CELF2: variants seen among roughly 807,000 people sequenced by gnomAD.
The protein encoded by CELF2 is CUGBP Elav-like family member 2.
A neutral mutation model predicts 62.6 loss-of-function variants in CELF2; 8 were observed. The ratio of observed to expected loss-of-function variants is 0.13; its 90% CI spans 0.07 to 0.23. The LOEUF (loss-of-function observed/expected upper bound fraction) is 0.23, where lower values mean the gene tolerates loss of function less well. Among genes scored for constraint, CELF2 ranks in the 10% least tolerant of loss-of-function variants. The probability of loss-of-function intolerance (pLI) is 1.00; values close to 1 mark genes in which losing one functional copy is unlikely to be tolerated. For missense variants in CELF2, 333 were observed against 671.0 expected, an observed-to-expected ratio of 0.50 and a Z score of 5.56; for synonymous variants, 258 against 250.0, an observed-to-expected ratio of 1.03 and a Z score of -0.30.
chr10:10,855,410 C>A (rs2059645196), intron 1 of CELF2, among the ~76,000 whole-genome samples: 1 of 152,190 alleles, frequency 6.6e-6, no homozygotes, highest in Non-Finnish European at 1.5e-5. Context: ...ACGTCTAAAT[C>A]CATTGGCACT....
chr10:11,259,020 A>G (rs554432565), intron 5 of CELF2, among the ~76,000 whole-genome samples: 1 of 152,340 alleles, frequency 6.6e-6, no homozygotes, highest in South Asian at 2.1e-4. Context: ...CCATATTCTT[A>G]GCAACATGGA....
chr10:10,730,148 T>C, the CELF2 span, among the ~76,000 whole-genome samples: 55 of 152,294 alleles, frequency 3.6e-4, no homozygotes, highest in African/African-American at 1.3e-3. Flanking sequence ...AATTTTTTTT[T>C]CCCTCCACTG....
At chr10:11,265,079 G>C (rs914191917) in intron 5 of CELF2, among the ~76,000 whole-genome samples, 1 of 152,210 alleles carries the variant, frequency 6.6e-6, no homozygotes, top group East Asian at 1.9e-4. Context: ...ATTGCTGTTG[G>C]ATTAAAAGGT....
the CELF2 span, among the ~76,000 whole-genome samples, chr10:10,694,681 T>C: frequency 6.6e-6 from 1 of 151,754 alleles, no homozygotes; most frequent in Admixed American, 6.6e-5. Context: ...ACTTGCTTTA[T>C]GAATCTGGGT....
chr10:10,888,588 C>T (rs1253626367), intron 1 of CELF2, among the ~76,000 whole-genome samples: 1 of 152,198 alleles, frequency 6.6e-6, no homozygotes, highest in Non-Finnish European at 1.5e-5. Flanking sequence ...CAGCCTCATT[C>T]AGCAACTATT....
Position 11,285,128 on chromosome 10 carries a change from T to TATGG in CELF2, c.842-3281_842-3278dup, listed in dbSNP as rs974485534. Among the ~76,000 whole-genome samples, 2 of 150,790 alleles carry TATGG rather than the reference T, an allele frequency of 1.3e-5. No homozygotes were observed. The highest frequency in any genetic ancestry group is 4.9e-5 in the African/African-American group (2 of 40,882). Reference sequence around the variant, plus strand: ...TGGGTGGATGGGCGGATGATGGATATATGGATGGATGGTTGGATGGATGGA... The same window carrying TATGG: ...TGGGTGGATGGGCGGATGATGGATATATGGATGGATGGATGGTTGGATGGATGGA... On this transcript the variant is annotated intron_variant, in intron 8 of 12. Coordinates refer to ENST00000633077, the MANE Select transcript of CELF2 (RefSeq NM_001326342.2). This position sits in a 1 kb window ranked among gnomAD's most constrained non-coding sequence, Gnocchi z 4.3.
At chr10:11,020,607 C>G (rs1178314462) in intron 1 of CELF2, among the ~76,000 whole-genome samples, 1 of 152,126 alleles carries the variant, frequency 6.6e-6, no homozygotes, top group Non-Finnish European at 1.5e-5. Flanking sequence ...TTGGCCTGTT[C>G]CTAAAAGGAA....
At chr10:11,225,889 G>A (rs941818665) in intron 3 of CELF2, among the ~76,000 whole-genome samples, 4 of 152,120 alleles carry the variant, frequency 2.6e-5, no homozygotes, top group Non-Finnish European at 2.9e-5. Flanking sequence ...GTGATGTATC[G>A]ATAGCATTCA....
the CELF2 span, among the ~76,000 whole-genome samples, chr10:10,481,984 G>C: frequency 6.6e-6 from 1 of 152,144 alleles, no homozygotes; most frequent in Non-Finnish European, 1.5e-5. Flanking sequence ...GCCACATTTT[G>C]GATGTTCTTA....
chr10:11,207,443 G>C lies in CELF2; in HGVS notation c.272-9982G>C, dbSNP rs1021368784. Among the ~76,000 whole-genome samples, 1 of 152,204 alleles carries C rather than the reference G, an allele frequency of 6.6e-6. No homozygotes were observed. Among genetic ancestry groups the C allele is most frequent in the Non-Finnish European group, 1.5e-5 (1 of 68,034 alleles). On this transcript the variant is annotated intron_variant, in intron 2 of 12. Transcript: ENST00000633077. This position sits in a 1 kb window ranked among gnomAD's most constrained non-coding sequence, Gnocchi z 4.1. ...GTGTCAAATGGAGAGTTGGAGGGAA[G>C]GTATGGGGTTGCCAGGGACCCCAGT...
the CELF2 span, among the ~76,000 whole-genome samples, chr10:10,745,127 ACAAAAC>A: frequency 8.3e-6 from 1 of 121,190 alleles, no homozygotes; most frequent in Admixed American, 8.3e-5. Flanking sequence ...AAAAAAAAAA[ACAAAAC>A]AAAAAAAAAC....
intron 8 of CELF2, among the ~76,000 whole-genome samples, chr10:11,283,005 C>T (rs1293955413): frequency 2.0e-5 from 3 of 152,216 alleles, no homozygotes; most frequent in Non-Finnish European, 2.9e-5. Flanking sequence ...TGGGCCCAAG[C>T]GATCCTTTAG....
At chr10:11,066,414 A>T (rs1291849) in intron 1 of CELF2, among the ~76,000 whole-genome samples, 1 of 151,608 alleles carries the variant, frequency 6.6e-6, no homozygotes, top group African/African-American at 2.4e-5. Context: ...CATCACCTTC[A>T]TTTTATAGGG....
At chr10:10,953,255 G>A (rs1592343255) in intron 2 of CELF2, among the ~76,000 whole-genome samples, 3 of 152,172 alleles carry the variant, frequency 2.0e-5, no homozygotes, top group African/African-American at 7.2e-5. Flanking sequence ...GGAAAATACA[G>A]TCCATCACTC....
upstream of CELF2, among the ~76,000 whole-genome samples, chr10:10,794,340 G>T (rs182019050): frequency 2.0e-5 from 3 of 152,016 alleles, no homozygotes; most frequent in Admixed American, 6.5e-5. Context: ...GGCAAGAGCC[G>T]GCAAAAATAA....
At chr10:10,583,348 A>T in the CELF2 span, among the ~76,000 whole-genome samples, 1 of 152,152 alleles carries the variant, frequency 6.6e-6, no homozygotes, top group Non-Finnish European at 1.5e-5. Flanking sequence ...TTTATCCCTC[A>T]CATATTTTTC....
chr10:10,774,829 A>G, the CELF2 span, among the ~76,000 whole-genome samples: 1 of 151,994 alleles, frequency 6.6e-6, no homozygotes, highest in East Asian at 1.9e-4. Context: ...ATGCCCAGGG[A>G]AGGCCTCTTG....
At chr10:11,222,980 G>C (rs2065340668) in intron 3 of CELF2, among the ~76,000 whole-genome samples, 1 of 152,192 alleles carries the variant, frequency 6.6e-6, no homozygotes, top group African/African-American at 2.4e-5. Context: ...AATAAATGGA[G>C]GAAGATGAAA....
At chr10:10,549,032 G>C in the CELF2 span, among the ~76,000 whole-genome samples, 2 of 152,188 alleles carry the variant, frequency 1.3e-5, no homozygotes, top group Non-Finnish European at 2.9e-5. Flanking sequence ...ATCAGCTTTA[G>C]ATCACAATTC....
Sources: gnomAD v4.1 joint callset for allele counts (sites outside exome capture counted in the v4.1 genomes callset) on GRCh38, gnomAD v4.1.1 for gene constraint, Gnocchi (gnomAD v3.1) non-coding constraint, MANE v1.5 for transcripts, NCBI Gene and HGNC (gene_info 2026-07-23, HGNC 2026-07-21) for gene names.